The following CPQ variants were observed in gnomAD, a reference collection of about 807,000 sequenced individuals.
CPQ encodes carboxypeptidase Q.
CPQ carries 37 observed loss-of-function variants against 45.7 expected under a neutral mutation model. The ratio of observed to expected loss-of-function variants is 0.81; its 90% CI spans 0.62 to 1.07. CPQ has a LOEUF of 1.07. Among genes scored for constraint, CPQ ranks in the 50% least tolerant of loss-of-function variants. CPQ has a pLI of 0.00. For missense variants in CPQ, 537 were observed against 572.9 expected, an observed-to-expected ratio of 0.94 and a Z score of 0.64; for synonymous variants, 186 against 205.8, an observed-to-expected ratio of 0.90 and a Z score of 0.82.
At chr8:96,956,625 G>C (rs1813361977) in intron 4 of CPQ, among the ~76,000 whole-genome samples, 1 of 151,894 alleles carries the variant, frequency 6.6e-6, no homozygotes, top group Admixed American at 6.6e-5. Context: ...GTTTATATTA[G>C]ATACAAAACT....
intron 5 of CPQ, among the ~76,000 whole-genome samples, chr8:97,015,448 T>C (rs901931941): frequency 1.3e-5 from 2 of 151,962 alleles, no homozygotes; most frequent in Non-Finnish European, 2.9e-5. Flanking sequence ...ATATTTTAAC[T>C]CTTGCCAGGC....
intron 3 of CPQ, among the ~76,000 whole-genome samples, chr8:96,847,277 AC>A: frequency 6.6e-6 from 1 of 152,168 alleles, no homozygotes; most frequent in African/African-American, 2.4e-5. Flanking sequence ...TCCGTTGATG[AC>A]CCCTGCCTGA....
At chr8:96,791,303 C>G (rs1810842240) in intron 2 of CPQ, among the ~76,000 whole-genome samples, 1 of 152,148 alleles carries the variant, frequency 6.6e-6, no homozygotes, top group Non-Finnish European at 1.5e-5. Flanking sequence ...TTTTAGCCAT[C>G]TAGCTGAAGC....
chr8:96,655,478 A>G (rs1447009835), intron 1 of CPQ, among the ~76,000 whole-genome samples: 19 of 152,036 alleles, frequency 1.2e-4, no homozygotes. Context: ...ATTTAATTTT[A>G]TATCCATATA....
intron 4 of CPQ, among the ~76,000 whole-genome samples, chr8:96,897,901 G>A (rs1812464848): frequency 6.6e-6 from 1 of 152,170 alleles, no homozygotes; most frequent in African/African-American, 2.4e-5. Context: ...TGCATACCAT[G>A]CCGAAGAAGA....
At chr8:96,826,361 T>G (rs1382431449) in intron 2 of CPQ, among the ~76,000 whole-genome samples, 1 of 152,080 alleles carries the variant, frequency 6.6e-6, no homozygotes, top group East Asian at 1.9e-4. Context: ...TGATAGAAAC[T>G]TTAAATTCAG....
chr8:96,850,314 G>A (rs530017245), intron 3 of CPQ, among the ~76,000 whole-genome samples: 1 of 152,232 alleles, frequency 6.6e-6, no homozygotes, highest in East Asian at 1.9e-4. Context: ...TTAGCTGCCT[G>A]GCCTTCCTCT....
In CPQ at chr8:97,019,328, C is replaced by T. The variant is rs937489594; in HGVS notation, c.962-10075C>T. Among the ~76,000 whole-genome samples, 20 of 152,120 alleles carry T rather than the reference C, an allele frequency of 1.3e-4. 1 individual carries two copies. The East Asian group carries it at 3.7e-3, about 28-fold the overall frequency. On this transcript the variant is annotated intron_variant, in intron 5 of 7. Transcript: ENST00000220763. Reference sequence around the variant, plus strand: ...CAATTTAAAAACAAAAAGCAAAAAACCAAAGTATACAGGCAACAAATAGCA... The same window carrying T: ...CAATTTAAAAACAAAAAGCAAAAAATCAAAGTATACAGGCAACAAATAGCA...
chr8:97,132,126 T>C (rs1367334357), intron 7 of CPQ, among the ~76,000 whole-genome samples: 1 of 152,236 alleles, frequency 6.6e-6, no homozygotes, highest in Admixed American at 6.5e-5. Context: ...GGGTTTCTTT[T>C]TTCCTAGACT....
At chr8:96,777,830 A>G (rs1457946479) in intron 1 of CPQ, among the ~76,000 whole-genome samples, 2 of 117,340 alleles carry the variant, frequency 1.7e-5, no homozygotes, top group African/African-American at 6.7e-5. Flanking sequence ...CCTGGTTCAC[A>G]CCATTCTCCT....
chr8:96,670,068 C>T lies in CPQ; in HGVS notation c.-35+24666C>T, dbSNP rs150495413. 3.9e-5 allele frequency among the ~76,000 whole-genome samples: 6 copies of T among 152,276 alleles called. No individual in the cohort carries two copies. The East Asian group carries it at 1.2e-3, about 29-fold the overall frequency. ...ACTCATATCTGAACAAAGCTTATCG[C>T]ACACACATGTTTTCTCTGTAAGGTA... On this transcript the variant is annotated intron_variant, in intron 1 of 7. Coordinates refer to ENST00000220763, the MANE Select transcript of CPQ (RefSeq NM_016134.4).
rs576475578 is a variant in CPQ, at chr8:97,114,194, TAGG to T, written c.1256-28823_1256-28821del. Among the ~76,000 whole-genome samples the T allele has an allele frequency of 2.1e-3, 323 of 152,318 alleles. 1 individual carries two copies. The highest frequency in any genetic ancestry group is 6.8e-3 in the Middle Eastern group (2 of 294). On this transcript the variant is annotated intron_variant, in intron 7 of 7. Coordinates refer to ENST00000220763, the MANE Select transcript of CPQ (RefSeq NM_016134.4). ...CTGCATGTTGGTGCAGTTGAAATTATAGGAGAAGAGGAAACCAGGGGTATGTTT... is the reference window on the plus strand; with the variant it reads ...CTGCATGTTGGTGCAGTTGAAATTATAGAAGAGGAAACCAGGGGTATGTTT...
At chr8:97,044,086 CT>C (rs2130494963) in intron 6 of CPQ, among the ~76,000 whole-genome samples, 1 of 152,318 alleles carries the variant, frequency 6.6e-6, no homozygotes, top group Admixed American at 6.5e-5. Flanking sequence ...TGTTTTCCAA[CT>C]TGGTTCCATT....
chr8:96,660,270 A>G (rs1815684248), intron 1 of CPQ, among the ~76,000 whole-genome samples: 1 of 151,962 alleles, frequency 6.6e-6, no homozygotes, highest in Non-Finnish European at 1.5e-5. Context: ...GTACTTACAT[A>G]GTCTTCTCTC....
intron 5 of CPQ, among the ~76,000 whole-genome samples, chr8:96,990,394 G>A (rs570107021): frequency 5.3e-5 from 8 of 152,290 alleles, no homozygotes; most frequent in African/African-American, 1.7e-4. Flanking sequence ...TCTGTTAAAT[G>A]TGAATAATAA....
intron 3 of CPQ, among the ~76,000 whole-genome samples, chr8:96,860,197 G>A (rs1033470533): frequency 3.9e-5 from 6 of 152,072 alleles, no homozygotes; most frequent in Non-Finnish European, 5.9e-5. Flanking sequence ...CCTTTACAAC[G>A]TGTGCAGTGA....
chr8:96,651,978 G>T lies in CPQ; in HGVS notation c.-35+6576G>T, dbSNP rs916754497. Among the ~76,000 whole-genome samples the T allele has an allele frequency of 3.3e-5, 5 of 152,088 alleles. No homozygotes were observed. The East Asian group carries it at 9.6e-4, about 29-fold the overall frequency. ...CACCTTAAATACTTATCATTTTTGT[G>T]GTGAAAATATTTGAAATTTGCTCTC... On this transcript the variant is annotated intron_variant, in intron 1 of 7. Transcript: ENST00000220763.
At chr8:96,802,092 C>G (rs964107721) in intron 2 of CPQ, among the ~76,000 whole-genome samples, 1 of 151,870 alleles carries the variant, frequency 6.6e-6, no homozygotes, top group Non-Finnish European at 1.5e-5. Context: ...CTCTTTATCT[C>G]CCTCTCCCTT....
rs183018454 is a variant in CPQ at position 96,649,291 on chromosome 8, T to C, written c.-35+3889T>C. On this transcript the variant is annotated intron_variant, in intron 1 of 7. Coordinates refer to ENST00000220763, the MANE Select transcript of CPQ (RefSeq NM_016134.4). Reference sequence around the variant, plus strand: ...TGTGCCTGGCTCTTTTCAGCATTTTTAAGCTGAATTTTAAACAGAGGAATG... The same window carrying C: ...TGTGCCTGGCTCTTTTCAGCATTTTCAAGCTGAATTTTAAACAGAGGAATG... 1.1e-3 allele frequency among the ~76,000 whole-genome samples: 160 copies of C among 152,360 alleles called. 1 individual carries two copies. The highest frequency in any genetic ancestry group is 4.9e-4 in the Non-Finnish European group (33 of 68,038).
Sources: gnomAD v4.1 joint callset for allele counts (sites outside exome capture counted in the v4.1 genomes callset) on GRCh38, gnomAD v4.1.1 for gene constraint, MANE v1.5 for transcripts, NCBI Gene and HGNC (gene_info 2026-07-23, HGNC 2026-07-21) for gene names.